The following TMEM132C variants were observed in gnomAD, a reference collection of about 807,000 sequenced individuals.
The protein encoded by TMEM132C is transmembrane protein 132C.
TMEM132C carries 29 observed loss-of-function variants against 61.4 expected under a neutral mutation model. The observed-to-expected ratio is 0.47, with a 90% CI of 0.35 to 0.64. TMEM132C has a LOEUF of 0.64. TMEM132C is among the 30% of genes least tolerant of loss of function. The pLI is 0.00. For synonymous variants in TMEM132C, 656 were observed against 633.1 expected (o/e 1.04, Z -0.54); for missense variants, 1,408 against 1,476.9 (o/e 0.95, Z 0.76).
intron 2 of TMEM132C, among the ~76,000 whole-genome samples, chr12:128,436,894 A>C (rs11834370): frequency 0.15 from 22,715 of 152,128 alleles, 1,855 homozygotes; most frequent in African/African-American, 0.22. Context: ...TTGGAACCAA[A>C]CCAAACGTCC....
At chr12:128,469,031 C>T (rs1347072961) in intron 2 of TMEM132C, among the ~76,000 whole-genome samples, 1 of 152,154 alleles carries the variant, frequency 6.6e-6, no homozygotes, top group Non-Finnish European at 1.5e-5. Flanking sequence ...AAGAATTCAA[C>T]ACATCCCTCA....
At chr12:128,665,716 CTCAT>C (rs1954456412) in intron 4 of TMEM132C, among the ~76,000 whole-genome samples, 1 of 141,174 alleles carries the variant, frequency 7.1e-6, no homozygotes, top group African/African-American at 2.8e-5. Flanking sequence ...TTCACAGGCA[CTCAT>C]ACACAAACAC....
In TMEM132C at chr12:128,406,038, G is replaced by A. The variant is rs11833341; in HGVS notation, c.86-8694G>A. Among the ~76,000 whole-genome samples, 1,435 of 152,290 alleles carry A rather than the reference G, an allele frequency of 9.4e-3. 20 individuals carry two copies. The highest frequency in any genetic ancestry group is 0.031 in the African/African-American group (1,281 of 41,560). ...TGCTCTAAAAGTATGCAAATGTGAG[G>A]CAAAGAAGGTACTTACATGAAGGTG... On this transcript the variant is annotated intron_variant, in intron 1 of 8. Coordinates refer to ENST00000435159, the MANE Select transcript of TMEM132C (RefSeq NM_001136103.3).
chr12:128,638,973 G>A (rs61940563), intron 4 of TMEM132C, among the ~76,000 whole-genome samples: 2 of 151,400 alleles, frequency 1.3e-5, no homozygotes, highest in Non-Finnish European at 2.9e-5. Flanking sequence ...TGGTGGTGAT[G>A]GTGATGATGG....
intron 5 of TMEM132C, 145 bp downstream of exon 5, chr12:128,669,705 G>A (rs184293073): frequency 1.4e-4 from 144 of 1,053,688 alleles, no homozygotes; most frequent in East Asian, 1.9e-4. Context: ...TCCACTCAAC[G>A]TGTCCATTGC....
chr12:128,325,986 C>T (rs986456867), intron 1 of TMEM132C, among the ~76,000 whole-genome samples: 7 of 152,076 alleles, frequency 4.6e-5, no homozygotes, highest in Admixed American at 2.0e-4. Flanking sequence ...TGCACACGTG[C>T]GGAGGTTGTA....
chr12:128,334,575 C>T (rs913082312), intron 1 of TMEM132C, among the ~76,000 whole-genome samples: 1 of 151,554 alleles, frequency 6.6e-6, no homozygotes, highest in Non-Finnish European at 1.5e-5. Flanking sequence ...TGAAATAAAA[C>T]GTTATTTGTT....
At chr12:128,512,009 G>A (rs1381239396) in intron 2 of TMEM132C, among the ~76,000 whole-genome samples, 1 of 152,112 alleles carries the variant, frequency 6.6e-6, no homozygotes, top group African/African-American at 2.4e-5. Context: ...GGGCTGCTGT[G>A]TCGGTCCAAG....
chr12:128,538,843 A>AT (rs1873633662), intron 2 of TMEM132C, among the ~76,000 whole-genome samples: 1 of 152,124 alleles, frequency 6.6e-6, no homozygotes, highest in Admixed American at 6.5e-5. Flanking sequence ...TAATAATCAT[A>AT]TTTTGTCTAG....
Position 128,630,418 on chromosome 12 carries a change from C to T in TMEM132C, c.1305+14083C>T, listed in dbSNP as rs559700089. Among the ~76,000 whole-genome samples the T allele has an allele frequency of 1.3e-5, 2 of 152,312 alleles. No individual in the cohort carries two copies. Among genetic ancestry groups the T allele is most frequent in the South Asian group, 4.1e-4 (2 of 4,826 alleles). On this transcript the variant is annotated intron_variant, in intron 4 of 8. Transcript: ENST00000435159. The surrounding 1 kb of genome is among the most constrained non-coding windows in gnomAD (Gnocchi z 4.3). ...GCACATCCAAGATTCAGCACGGCTG[C>T]CCTTGAACTTCTCACAGCTGGCTCC...
At chr12:128,295,165 C>T (rs909336955) in intron 1 of TMEM132C, among the ~76,000 whole-genome samples, 1 of 152,104 alleles carries the variant, frequency 6.6e-6, no homozygotes, top group African/African-American at 2.4e-5. Context: ...GGAGCTAGCT[C>T]TAGAAATAAA....
At chr12:128,681,681 T>TG (rs1954636133) in intron 5 of TMEM132C, among the ~76,000 whole-genome samples, 1 of 124,272 alleles carries the variant, frequency 8.0e-6, no homozygotes, top group African/African-American at 3.1e-5. Context: ...TGAGACAGAG[T>TG]CTCACCCTAT....
intron 4 of TMEM132C, among the ~76,000 whole-genome samples, chr12:128,625,009 A>C (rs1954001694): frequency 6.6e-6 from 1 of 152,154 alleles, no homozygotes; most frequent in Non-Finnish European, 1.5e-5. Flanking sequence ...GAGGGGGGTG[A>C]CCCTATGCTT....
At chr12:128,532,953 A>G (rs905786499) in intron 2 of TMEM132C, among the ~76,000 whole-genome samples, 6 of 152,196 alleles carry the variant, frequency 3.9e-5, no homozygotes, top group African/African-American at 9.7e-5. Context: ...GGCCTTTGGA[A>G]TACTGAAAAC....
At chr12:128,601,905 A>G (rs1405510223) in intron 3 of TMEM132C, among the ~76,000 whole-genome samples, 1 of 152,100 alleles carries the variant, frequency 6.6e-6, no homozygotes, top group Non-Finnish European at 1.5e-5. Context: ...ATGGTGACCG[A>G]TTGCTTGCTC....
intron 2 of TMEM132C, among the ~76,000 whole-genome samples, chr12:128,472,564 A>G (rs1870987973): frequency 6.6e-6 from 1 of 152,198 alleles, no homozygotes; most frequent in South Asian, 2.1e-4. Context: ...CCATGGTGAC[A>G]GAAGCTTGGA....
chr12:128,497,831 G>A (rs553399478), intron 2 of TMEM132C, among the ~76,000 whole-genome samples: 1 of 152,150 alleles, frequency 6.6e-6, no homozygotes, highest in African/African-American at 2.4e-5. Context: ...TGCACCCACT[G>A]TCCTGCCCCC....
intron 1 of TMEM132C, among the ~76,000 whole-genome samples, chr12:128,410,582 T>C (rs1451035167): frequency 6.6e-6 from 1 of 152,028 alleles, no homozygotes; most frequent in Non-Finnish European, 1.5e-5. Context: ...TTTTTTGTAT[T>C]TTTAGTAGAG....
At chr12:128,535,336 C>G (rs1031884680) in intron 2 of TMEM132C, among the ~76,000 whole-genome samples, 2 of 152,008 alleles carry the variant, frequency 1.3e-5, no homozygotes, top group African/African-American at 4.8e-5. Context: ...TGCAATCTAT[C>G]CATCTGACAA....
Sources: allele counts gnomAD v4.1 joint callset (sites outside exome capture counted in the v4.1 genomes callset), GRCh38; gene constraint gnomAD v4.1.1; non-coding constraint Gnocchi (gnomAD v3.1); transcripts MANE v1.5; gene names NCBI Gene and HGNC (gene_info 2026-07-23, HGNC 2026-07-21).